Variants in ZDHHC2 observed in about 807,000 individuals in gnomAD.
ZDHHC2 encodes the protein zDHHC palmitoyltransferase 2, also known as palmitoyltransferase ZDHHC2.
ZDHHC2 carries 51 observed loss-of-function variants against 55.6 expected under a neutral mutation model. That is an observed-to-expected ratio of 0.92 (90% CI 0.73 to 1.16). The LOEUF is 1.16. Among genes scored for constraint, ZDHHC2 ranks in the 50% most tolerant of loss-of-function variants. The probability of loss-of-function intolerance (pLI) is 0.00; values close to 1 mark genes in which losing one functional copy is unlikely to be tolerated. For missense variants in ZDHHC2, 491 were observed against 442.4 expected (o/e 1.11, Z -0.99); for synonymous variants, 199 against 152.9 (o/e 1.30, Z -2.22).
intron 3 of ZDHHC2, among the ~76,000 whole-genome samples, chr8:17,188,648 C>T (rs1443320813): frequency 1.3e-5 from 2 of 152,102 alleles, no homozygotes; most frequent in South Asian, 4.1e-4. Context: ...TTTATTCCCT[C>T]GTGGATTTCA....
chr8:17,186,731 G>C (rs1039650641), intron 3 of ZDHHC2, among the ~76,000 whole-genome samples: 2 of 152,144 alleles, frequency 1.3e-5, no homozygotes, highest in African/African-American at 4.8e-5. Context: ...CTAGAAGGTA[G>C]ACATAATTCT....
At chr8:17,201,875 G>A (rs897994984) in intron 6 of ZDHHC2, among the ~76,000 whole-genome samples, 1 of 151,892 alleles carries the variant, frequency 6.6e-6, no homozygotes, top group African/African-American at 2.4e-5. Context: ...TTGAAACATT[G>A]GATCAACAAT....
chr8:17,217,369 G>A (rs759772888), intron 12 of ZDHHC2, 123 bp downstream of exon 12: 2 of 709,402 alleles, frequency 2.8e-6, no homozygotes, highest in Non-Finnish European at 4.5e-6. Flanking sequence ...TCTTTTACCT[G>A]ACTTGTGAGA....
intron 1 of ZDHHC2, among the ~76,000 whole-genome samples, chr8:17,171,234 C>G (rs1222587677): frequency 6.6e-6 from 1 of 152,168 alleles, no homozygotes; most frequent in South Asian, 2.1e-4. Context: ...ACAACTCTAT[C>G]TAAACAGGAG....
At position 17,210,024 on chromosome 8, in the gene ZDHHC2, G is replaced by A; in HGVS notation, c.823G>A (p.Glu275Lys). 6.2e-7 allele frequency: 1 copy of A among 1,607,890 alleles called. No homozygotes were observed. The highest frequency in any genetic ancestry group is 1.1e-5 in the South Asian group (1 of 90,112). The change falls in exon 9 of 13, where the codon GAG (glutamate) becomes AAG (lysine). Residue 275 changes from glutamate to lysine, a missense_variant. Coordinates refer to ENST00000262096, the MANE Select transcript of ZDHHC2 (RefSeq NM_016353.5). ...SKNMRQVFGD[E>K]KKYWLLPIFS... Reference sequence around the variant, plus strand: ...AAACATGCGACAAGTTTTTGGTGATGAGAAGAAGTACTGGTTGCTACCCAT... The same window carrying A: ...AAACATGCGACAAGTTTTTGGTGATAAGAAGAAGTACTGGTTGCTACCCAT...
intron 1 of ZDHHC2, among the ~76,000 whole-genome samples, chr8:17,178,977 G>T (rs1258424412): frequency 6.6e-6 from 1 of 151,984 alleles, no homozygotes; most frequent in Non-Finnish European, 1.5e-5. Flanking sequence ...TTGAGACAGG[G>T]TCACGCTCTG....
chr8:17,185,507 G>A (rs573604695), intron 2 of ZDHHC2, among the ~76,000 whole-genome samples: 2 of 150,990 alleles, frequency 1.3e-5, no homozygotes, highest in Admixed American at 1.3e-4. Flanking sequence ...AAAAAAAAAA[G>A]AAAAATACTA....
rs946024097 is a variant in ZDHHC2 at position 17,221,268 on chromosome 8, A to T, written c.*1047A>T. The T allele has an allele frequency of 1.3e-5, 2 of 152,592 alleles. No homozygotes were observed. Among genetic ancestry groups the T allele is most frequent in the Non-Finnish European group, 1.5e-5 (1 of 67,994 alleles). The allele number at this position is 152,592 out of a possible 1,614,324, so 9.5% of individuals were successfully genotyped here. The stretch of plus-strand genomic sequence containing the variant: ...CATACAACTTTTGGAAAGTTAGTTC[A>T]ACATGAACTAAAATGGCATGCTATT... On this transcript the variant is annotated 3_prime_UTR_variant, in exon 13 of 13. Transcript: ENST00000262096.
rs748344281 is a variant in ZDHHC2, at chr8:17,205,666, G to T, written c.488G>T (p.Cys163Phe). The change falls in exon 7 of 13, where the codon TGT becomes TTT. Residue 163 changes from cysteine (C) to phenylalanine (F), a missense_variant. Transcript: ENST00000262096. ...TGTTTTGTTAACAGGGTGAACAATT[G>T]TGTTGGATTTTCAAATTATAAGTTC... ...MDHHCPWVNN[C>F]VGFSNYKFFL... 1.9e-6 allele frequency: 3 copies of T among 1,603,344 alleles called. No individual in the cohort carries two copies. Among genetic ancestry groups the T allele is most frequent in the Non-Finnish European group, 2.5e-6 (3 of 1,176,772 alleles).
intron 1 of ZDHHC2, among the ~76,000 whole-genome samples, chr8:17,161,583 C>T (rs931411851): frequency 3.9e-5 from 6 of 152,200 alleles, no homozygotes; most frequent in African/African-American, 1.4e-4. Context: ...TATTGGCCAG[C>T]ACGGTGGCTC....
chr8:17,211,123 C>T (rs925879766), intron 10 of ZDHHC2, among the ~76,000 whole-genome samples: 2 of 152,116 alleles, frequency 1.3e-5, no homozygotes, highest in South Asian at 2.1e-4. Context: ...TCATTCTGAA[C>T]GTGCTACCAA....
chr8:17,163,622 TGTATC>T (rs1355358011), intron 1 of ZDHHC2, among the ~76,000 whole-genome samples: 2 of 152,186 alleles, frequency 1.3e-5, no homozygotes, highest in Admixed American at 1.3e-4. Flanking sequence ...TTTTGACAGT[TGTATC>T]ATATCACCCA....
intron 1 of ZDHHC2, among the ~76,000 whole-genome samples, chr8:17,170,798 A>G (rs907793015): frequency 2.0e-5 from 3 of 152,242 alleles, no homozygotes; most frequent in African/African-American, 7.2e-5. Flanking sequence ...ACTTGATTGT[A>G]TATATTTTTT....
chr8:17,159,401 G>C (rs778753825), intron 1 of ZDHHC2, among the ~76,000 whole-genome samples: 15 of 152,192 alleles, frequency 9.9e-5, no homozygotes, highest in Admixed American at 5.2e-4. Context: ...GAAACAAGGT[G>C]ATTTACCCTG....
intron 1 of ZDHHC2, among the ~76,000 whole-genome samples, chr8:17,166,236 A>G (rs891986874): frequency 1.3e-5 from 2 of 152,202 alleles, no homozygotes; most frequent in East Asian, 1.9e-4. Context: ...TGGCGTGGGC[A>G]CTGGAAATGG....
At chr8:17,158,908 C>G (rs1403834665) in intron 1 of ZDHHC2, among the ~76,000 whole-genome samples, 1 of 152,220 alleles carries the variant, frequency 6.6e-6, no homozygotes, top group Non-Finnish European at 1.5e-5. Context: ...TTCAGAGGCA[C>G]TATCTCCTAG....
intron 1 of ZDHHC2, among the ~76,000 whole-genome samples, chr8:17,165,852 C>G (rs2904663): frequency 0.16 from 24,609 of 152,158 alleles, 4,264 homozygotes; most frequent in East Asian, 0.49. Context: ...GGAGCTGAAA[C>G]ATTTAACCAT....
rs202226307 is a variant in ZDHHC2 at position 17,215,314 on chromosome 8, C to T, written c.1028C>T (p.Thr343Met). 447 of 1,593,350 alleles carry T rather than the reference C, an allele frequency of 2.8e-4. 1 individual carries two copies. The highest frequency in any genetic ancestry group is 3.3e-4 in the Middle Eastern group (2 of 6,064). Residue 343 changes from threonine to methionine, a missense_variant, in exon 11 of 13, where the codon ACG (threonine) becomes ATG (methionine). Transcript: ENST00000262096. ...SHLLTDSQSW[T>M]ESSINPGKCK... ...CTTCTTACTGATTCTCAGTCTTGGA[C>T]GGAGAGCAGCATAAACCCAGGAAAA...
intron 6 of ZDHHC2, among the ~76,000 whole-genome samples, chr8:17,201,142 G>A (rs1806739351): frequency 6.6e-6 from 1 of 152,154 alleles, no homozygotes; most frequent in Admixed American, 6.5e-5. Flanking sequence ...AAAACAGGTA[G>A]CCATGTTCTT....
Sources: gnomAD v4.1 joint callset for allele counts (sites outside exome capture counted in the v4.1 genomes callset) on GRCh38, gnomAD v4.1.1 for gene constraint, MANE v1.5 for transcripts, NCBI Gene and HGNC (gene_info 2026-07-23, HGNC 2026-07-21) for gene names.